KLHL1: variants seen among roughly 807,000 people sequenced by gnomAD.
KLHL1 encodes kelch-like protein 1.
In KLHL1, 47 loss-of-function variants were observed where a neutral mutation model predicts 77.7. The observed-to-expected ratio is 0.60, with a 90% CI of 0.48 to 0.77. The LOEUF (loss-of-function observed/expected upper bound fraction) is 0.77, where lower values mean the gene tolerates loss of function less well. Ranked by LOEUF, KLHL1 falls within the 30% of genes least tolerant of loss-of-function variation. KLHL1 has a pLI of 0.00. For synonymous variants in KLHL1, 360 were observed against 325.2 expected (o/e 1.11, Z -1.15); for missense variants, 925 against 910.8 (o/e 1.02, Z -0.20).
At chr13:69,715,648 A>G (rs1241275955) in intron 9 of KLHL1, among the ~76,000 whole-genome samples, 1 of 152,008 alleles carries the variant, frequency 6.6e-6, no homozygotes, top group Non-Finnish European at 1.5e-5. Context: ...TAATCCTCAT[A>G]TTAACATGGT....
intron 8 of KLHL1, among the ~76,000 whole-genome samples, chr13:69,722,270 A>C (rs1325399332): frequency 6.6e-6 from 1 of 152,104 alleles, no homozygotes; most frequent in Non-Finnish European, 1.5e-5. Flanking sequence ...GTTGATAATT[A>C]ATAATAAAAT....
At chr13:69,910,726 C>T (rs1332487236) in intron 4 of KLHL1, among the ~76,000 whole-genome samples, 1 of 151,378 alleles carries the variant, frequency 6.6e-6, no homozygotes, top group Non-Finnish European at 1.5e-5. Context: ...GTGATAAAGC[C>T]CAATTTCATT....
intron 1 of KLHL1, among the ~76,000 whole-genome samples, chr13:69,998,835 C>T (rs1273081207): frequency 1.3e-5 from 2 of 151,932 alleles, no homozygotes; most frequent in Non-Finnish European, 2.9e-5. Context: ...AGAGTATGCA[C>T]CCAAGCTCAC....
intron 2 of KLHL1, among the ~76,000 whole-genome samples, chr13:69,966,125 G>A (rs57111056): frequency 0.046 from 7,021 of 152,110 alleles, 413 homozygotes; most frequent in East Asian, 0.27. Context: ...GATGAAAGTG[G>A]CTACACTAAA....
At chr13:69,723,926 C>A (rs528768052) in intron 8 of KLHL1, among the ~76,000 whole-genome samples, 4 of 151,352 alleles carry the variant, frequency 2.6e-5, no homozygotes, top group Non-Finnish European at 5.9e-5. Flanking sequence ...CAACCTCTGC[C>A]TCCCGGGTTC....
In KLHL1 at chr13:70,021,667, A is replaced by G. The variant is rs145517676; in HGVS notation, c.498-45865T>C. Among the ~76,000 whole-genome samples the G allele has an allele frequency of 7.6e-3, 1,160 of 152,176 alleles. 13 individuals carry two copies. The highest frequency in any genetic ancestry group is 0.027 in the African/African-American group (1,118 of 41,544). Reference sequence around the variant, plus strand: ...ATTCTTCTTCTTCCACGTCCTTGCCAGCATTAGAGTTCTGGATTTGGGGCA... The same window carrying G: ...ATTCTTCTTCTTCCACGTCCTTGCCGGCATTAGAGTTCTGGATTTGGGGCA... On this transcript the variant is annotated intron_variant, in intron 1 of 10. Coordinates refer to ENST00000377844, the MANE Select transcript of KLHL1 (RefSeq NM_020866.3).
intron 9 of KLHL1, among the ~76,000 whole-genome samples, chr13:69,719,027 A>T (rs902402115): frequency 1.3e-5 from 2 of 152,128 alleles, no homozygotes; most frequent in Non-Finnish European, 2.9e-5. Context: ...TTTATAAATC[A>T]CTCAAAACTT....
intron 4 of KLHL1, among the ~76,000 whole-genome samples, chr13:69,889,658 G>A (rs527520225): frequency 3.3e-5 from 5 of 152,078 alleles, no homozygotes; most frequent in Admixed American, 3.3e-4. Context: ...GTGATTATGG[G>A]TGATTTAATT....
intron 9 of KLHL1, among the ~76,000 whole-genome samples, chr13:69,717,175 T>C (rs944226311): frequency 4.6e-5 from 7 of 152,150 alleles, no homozygotes; most frequent in African/African-American, 1.7e-4. Flanking sequence ...CCTTGTGATA[T>C]AATAAAATGT....
At chr13:70,012,071 T>A (rs865962576) in intron 1 of KLHL1, among the ~76,000 whole-genome samples, 2 of 151,994 alleles carry the variant, frequency 1.3e-5, no homozygotes, top group Non-Finnish European at 2.9e-5. Flanking sequence ...AAAAACAGCA[T>A]GAGAAAGACC....
intron 1 of KLHL1, among the ~76,000 whole-genome samples, chr13:70,104,059 A>G (rs964868620): frequency 6.6e-6 from 1 of 152,184 alleles, no homozygotes; most frequent in African/African-American, 2.4e-5. Flanking sequence ...TCACTATAAA[A>G]TGCAAGAATA....
intron 6 of KLHL1, among the ~76,000 whole-genome samples, chr13:69,799,149 T>C (rs9542092): frequency 0.03 from 4,565 of 151,898 alleles, 106 homozygotes; most frequent in Middle Eastern, 0.048. Flanking sequence ...ATTTGACCGA[T>C]GATGGCAGAA....
intron 6 of KLHL1, among the ~76,000 whole-genome samples, chr13:69,824,837 C>G (rs747508960): frequency 1.3e-5 from 2 of 151,928 alleles, no homozygotes; most frequent in Admixed American, 6.6e-5. Context: ...GGTTACATAC[C>G]TGTATGCATT....
intron 4 of KLHL1, among the ~76,000 whole-genome samples, chr13:69,919,264 A>C (rs1566401616): frequency 1.3e-5 from 2 of 152,056 alleles, no homozygotes; most frequent in Non-Finnish European, 1.5e-5. Flanking sequence ...CATTTCCTCC[A>C]TTTATTTATA....
chr13:69,808,834 A>G (rs1877736405), intron 6 of KLHL1, among the ~76,000 whole-genome samples: 1 of 150,606 alleles, frequency 6.6e-6, no homozygotes. Flanking sequence ...ATAATTCAAA[A>G]TTTAAAAGAT....
intron 1 of KLHL1, among the ~76,000 whole-genome samples, chr13:70,073,636 G>T (rs1165220823): frequency 6.6e-6 from 1 of 151,960 alleles, no homozygotes; most frequent in East Asian, 1.9e-4. Flanking sequence ...AAAAACCCGG[G>T]TGTGGTGGTG....
intron 1 of KLHL1, among the ~76,000 whole-genome samples, chr13:69,982,482 A>AATAATAAT (rs1566471023): frequency 4.4e-5 from 6 of 136,528 alleles, no homozygotes; most frequent in Non-Finnish European, 8.0e-5. Context: ...ATAATAATAA[A>AATAATAAT]ATAAAAAGCA....
At chr13:69,932,031 G>C (rs906555992) in intron 4 of KLHL1, among the ~76,000 whole-genome samples, 1 of 151,440 alleles carries the variant, frequency 6.6e-6, no homozygotes, top group Admixed American at 6.6e-5. Flanking sequence ...TTAAGATTAT[G>C]ATATCTAATT....
At chr13:69,852,400 A>G (rs1879726502) in intron 5 of KLHL1, among the ~76,000 whole-genome samples, 1 of 151,992 alleles carries the variant, frequency 6.6e-6, no homozygotes, top group African/African-American at 2.4e-5. Flanking sequence ...CAGGACAGCA[A>G]TTGAAGAGAC....
Sources: allele counts gnomAD v4.1 joint callset (sites outside exome capture counted in the v4.1 genomes callset), GRCh38; gene constraint gnomAD v4.1.1; transcripts MANE v1.5; gene names NCBI Gene and HGNC (gene_info 2026-07-23, HGNC 2026-07-21).